The following FRMD3 variants were observed in gnomAD, a reference collection of about 807,000 sequenced individuals.
FRMD3 encodes FERM domain-containing protein 3.
FRMD3 carries 33 observed loss-of-function variants against 70.2 expected under a neutral mutation model. The ratio of observed to expected loss-of-function variants is 0.47; its 90% confidence interval spans 0.36 to 0.63. FRMD3 has a LOEUF of 0.63. Among genes scored for constraint, FRMD3 ranks in the 20% least tolerant of loss-of-function variants. The pLI, the probability that FRMD3 is intolerant of heterozygous loss-of-function variation, is 0.00. For synonymous variants in FRMD3, 279 were observed against 255.9 expected, an observed-to-expected ratio of 1.09 and a Z score of -0.86; for missense variants, 632 against 711.4, an observed-to-expected ratio of 0.89 and a Z score of 1.27.
intron 1 of FRMD3, among the ~76,000 whole-genome samples, chr9:83,531,081 T>C (rs1253782596): frequency 1.3e-5 from 2 of 152,216 alleles, no homozygotes; most frequent in Non-Finnish European, 2.9e-5. Flanking sequence ...TCTCTTCCTC[T>C]GGAGGGTATC....
At chr9:83,369,735 A>G (rs185181170) in intron 3 of FRMD3, among the ~76,000 whole-genome samples, 25 of 152,202 alleles carry the variant, frequency 1.6e-4, no homozygotes, top group Admixed American at 1.4e-3. Flanking sequence ...AAGATGAAGA[A>G]AAATATATAG....
intron 1 of FRMD3, among the ~76,000 whole-genome samples, chr9:83,529,310 C>A (rs965263352): frequency 6.6e-6 from 1 of 152,148 alleles, no homozygotes; most frequent in African/African-American, 2.4e-5. Flanking sequence ...TACCTCACAC[C>A]ATACACAAAA....
chr9:83,574,062 C>G, the FRMD3 span, among the ~76,000 whole-genome samples: 1 of 152,182 alleles, frequency 6.6e-6, no homozygotes, highest in African/African-American at 2.4e-5. Context: ...TCTTCCGCTA[C>G]ACATGAAATT....
chr9:83,572,708 T>C, the FRMD3 span, among the ~76,000 whole-genome samples: 1 of 152,182 alleles, frequency 6.6e-6, no homozygotes, highest in Admixed American at 6.5e-5. Context: ...TCCAGCCTGG[T>C]TCAGCAGCAC....
rs1315543449 is a variant in FRMD3, at chr9:83,299,574, G to A, written c.927-388C>T. On this transcript the variant is annotated intron_variant, in intron 10 of 13. Coordinates refer to ENST00000304195, the MANE Select transcript of FRMD3 (RefSeq NM_174938.6). Reference sequence around the variant, plus strand: ...TGTGACATGGCATCAGGAAGTTCGTGGTTGTTAGGGCACTTTGCTGCCTAT... The same window carrying A: ...TGTGACATGGCATCAGGAAGTTCGTAGTTGTTAGGGCACTTTGCTGCCTAT... Among the ~76,000 whole-genome samples, 5 of 152,316 alleles carry A rather than the reference G, an allele frequency of 3.3e-5. No homozygotes were observed. In the East Asian group the frequency reaches 9.6e-4, roughly 29 times the overall value.
intron 12 of FRMD3, among the ~76,000 whole-genome samples, chr9:83,291,853 C>G (rs1834431941): frequency 6.6e-6 from 1 of 152,204 alleles, no homozygotes; most frequent in African/African-American, 2.4e-5. Flanking sequence ...AGACCGGCTG[C>G]AGGACTACCT....
chr9:83,416,770 TCTCTCTCTCTCTCTCTCA>T (rs1338325426), intron 1 of FRMD3, among the ~76,000 whole-genome samples: 36 of 124,794 alleles, frequency 2.9e-4, no homozygotes, highest in African/African-American at 1.1e-3. Context: ...TCTCTCTCTC[TCTCTCTCTCTCTCTCTCA>T]CTCTCTCTCT....
At chr9:83,259,432 C>T (rs1185758288) in intron 13 of FRMD3, among the ~76,000 whole-genome samples, 2 of 152,236 alleles carry the variant, frequency 1.3e-5, no homozygotes, top group East Asian at 1.9e-4. Flanking sequence ...CACCACCCTG[C>T]GTCTGTTGGG....
chr9:83,381,562 A>C (rs569232995), intron 2 of FRMD3, among the ~76,000 whole-genome samples: 76 of 152,160 alleles, frequency 5.0e-4, no homozygotes, highest in African/African-American at 1.7e-3. Flanking sequence ...AAAGAAAAGA[A>C]AGAAAGAAAA....
At chr9:83,413,522 C>A (rs1441841669) in intron 1 of FRMD3, among the ~76,000 whole-genome samples, 1 of 152,186 alleles carries the variant, frequency 6.6e-6, no homozygotes, top group Non-Finnish European at 1.5e-5. Flanking sequence ...GCACATGGAT[C>A]CTACTTTTAG....
At chr9:83,342,788 C>T (rs1823816711) in intron 5 of FRMD3, among the ~76,000 whole-genome samples, 1 of 152,156 alleles carries the variant, frequency 6.6e-6, no homozygotes, top group African/African-American at 2.4e-5. Flanking sequence ...TAACACCTAT[C>T]TTCCTAGATG....
In FRMD3 at chr9:83,288,884, G is replaced by A. The variant is rs182498940; in HGVS notation, c.1195+1719C>T. Among the ~76,000 whole-genome samples, 12 of 152,266 alleles carry A rather than the reference G, an allele frequency of 7.9e-5. No individual in the cohort carries two copies. The East Asian group carries it at 2.1e-3, about 27-fold the overall frequency. On this transcript the variant is annotated intron_variant, in intron 13 of 13. Transcript: ENST00000304195. ...TTGACCAGGTTCCCTTTCACATCTTGGGGGATCATAAGGCAGCAGGCCTAG... is the reference window on the plus strand; with the variant it reads ...TTGACCAGGTTCCCTTTCACATCTTAGGGGATCATAAGGCAGCAGGCCTAG...
At chr9:83,414,929 T>C (rs777169335) in intron 1 of FRMD3, among the ~76,000 whole-genome samples, 8 of 152,164 alleles carry the variant, frequency 5.3e-5, no homozygotes, top group Non-Finnish European at 1.0e-4. Context: ...AAAGGGACTG[T>C]TTATAAAGGT....
chr9:83,526,007 T>C (rs1045744671), intron 1 of FRMD3, among the ~76,000 whole-genome samples: 8 of 152,226 alleles, frequency 5.3e-5, no homozygotes, highest in African/African-American at 1.9e-4. Flanking sequence ...ATGTCAGACC[T>C]GTGTCTCTGG....
At chr9:83,384,888 C>G (rs1171065881) in intron 2 of FRMD3, among the ~76,000 whole-genome samples, 2 of 152,134 alleles carry the variant, frequency 1.3e-5, no homozygotes, top group Non-Finnish European at 2.9e-5. Context: ...TACTACCTCC[C>G]TCCAGACCAT....
intron 1 of FRMD3, among the ~76,000 whole-genome samples, chr9:83,457,433 C>A (rs1182105447): frequency 6.6e-6 from 1 of 152,172 alleles, no homozygotes; most frequent in African/African-American, 2.4e-5. Context: ...CCATGATTGT[C>A]CTGTCCTTCA....
intron 1 of FRMD3, among the ~76,000 whole-genome samples, chr9:83,466,397 G>C (rs1314751557): frequency 6.6e-6 from 1 of 152,182 alleles, no homozygotes; most frequent in Non-Finnish European, 1.5e-5. Context: ...TCAAATTTCT[G>C]CTGTAAACAG....
the FRMD3 span, among the ~76,000 whole-genome samples, chr9:83,573,350 T>G: frequency 2.6e-5 from 4 of 152,334 alleles, 1 homozygote; most frequent in South Asian, 8.3e-4. Flanking sequence ...ATGTTTTTGT[T>G]TATATAACAA....
At chr9:83,290,454 C>CA in intron 13 of FRMD3, 149 bp downstream of exon 13, 2 of 842,548 alleles carry the variant, frequency 2.4e-6, no homozygotes, top group East Asian at 2.5e-5. Flanking sequence ...CTTCCAGCTG[C>CA]AAAAAGCTTA....
Sources: gnomAD v4.1 joint callset for allele counts (sites outside exome capture counted in the v4.1 genomes callset) on GRCh38, gnomAD v4.1.1 for gene constraint, MANE v1.5 for transcripts, NCBI Gene and HGNC (gene_info 2026-07-23, HGNC 2026-07-21) for gene names.